Variants in CDKL4 observed in about 807,000 individuals in gnomAD.
The protein encoded by CDKL4 is cyclin-dependent kinase-like 4.
A neutral mutation model predicts 42.0 loss-of-function variants in CDKL4; 44 were observed. The ratio of observed to expected loss-of-function variants is 1.05; its 90% CI spans 0.82 to 1.35. The LOEUF is 1.35. Among genes scored for constraint, CDKL4 ranks in the 40% most tolerant of loss-of-function variants. The pLI, the probability that CDKL4 is intolerant of heterozygous loss-of-function variation, is 0.00. For synonymous variants in CDKL4, 120 were observed against 121.6 expected (o/e 0.99, Z 0.09); for missense variants, 393 against 369.9 (o/e 1.06, Z -0.51).
chr2:39,227,266 G>A (rs941043136), intron 2 of CDKL4, among the ~76,000 whole-genome samples: 1 of 152,142 alleles, frequency 6.6e-6, no homozygotes, highest in African/African-American at 2.4e-5. Context: ...CATTTACCCA[G>A]AAAGATACTG....
At chr2:39,227,484 T>C (rs998090574) in intron 2 of CDKL4, among the ~76,000 whole-genome samples, 1 of 152,100 alleles carries the variant, frequency 6.6e-6, no homozygotes, top group South Asian at 2.1e-4. Context: ...ATTAAAAATA[T>C]GCCCAGGCTG....
intron 5 of CDKL4, among the ~76,000 whole-genome samples, chr2:39,202,656 A>AGCTT (rs1182149285): frequency 2.5e-4 from 1 of 4,004 alleles, no homozygotes; most frequent in Non-Finnish European, 1.9e-3. Flanking sequence ...AGAGTTTTGT[A>AGCTT]AGCTTTATTT....
At chr2:39,209,980 G>C (rs913162389) in intron 4 of CDKL4, among the ~76,000 whole-genome samples, 17 of 152,112 alleles carry the variant, frequency 1.1e-4, no homozygotes, top group African/African-American at 3.9e-4. Flanking sequence ...GAGGAGGGAA[G>C]TTAGTCTGAA....
intron 1 of CDKL4, among the ~76,000 whole-genome samples, chr2:39,233,611 TA>T (rs1447139765): frequency 6.6e-6 from 1 of 151,914 alleles, no homozygotes; most frequent in Admixed American, 6.6e-5. Context: ...AGTCAGTTAC[TA>T]ACAGCCAAAA....
At chr2:39,199,002 G>T (rs1470371605) in intron 5 of CDKL4, among the ~76,000 whole-genome samples, 3 of 151,136 alleles carry the variant, frequency 2.0e-5, no homozygotes, top group Non-Finnish European at 2.9e-5. Context: ...AGAAGTAAAT[G>T]ATATTGAAAC....
chr2:39,180,933 C>T (rs2148281832), intron 8 of CDKL4, among the ~76,000 whole-genome samples: 1 of 152,292 alleles, frequency 6.6e-6, no homozygotes, highest in Non-Finnish European at 1.5e-5. Flanking sequence ...AAGTGATCTG[C>T]CCACCTCGGC....
At chr2:39,194,130 T>C (rs1454682963) in intron 5 of CDKL4, among the ~76,000 whole-genome samples, 1 of 152,158 alleles carries the variant, frequency 6.6e-6, no homozygotes, top group East Asian at 1.9e-4. Flanking sequence ...GTGTTCCCAC[T>C]AAAAACAATC....
intron 4 of CDKL4, among the ~76,000 whole-genome samples, chr2:39,205,759 C>CA (rs1167041058): frequency 0.46 from 36,564 of 78,746 alleles, 9,684 homozygotes; most frequent in East Asian, 0.74. Flanking sequence ...GACTCCGTCT[C>CA]AAAAAAAAAA....
At chr2:39,222,031 TG>T (rs1418570569) in intron 3 of CDKL4, among the ~76,000 whole-genome samples, 1 of 152,174 alleles carries the variant, frequency 6.6e-6, no homozygotes, top group Non-Finnish European at 1.5e-5. Context: ...TCTGCACCAG[TG>T]TAAAATGCTC....
Position 39,210,719 on chromosome 2 carries a change from C to G in CDKL4, c.363+2681G>C, listed in dbSNP as rs117082637. ...AATCATTTTAACTACCCATAAAACT[C>G]CTGCAGCAACTTTGATATCTCCTAT... On this transcript the variant is annotated intron_variant, in intron 4 of 9. Transcript: ENST00000451199. Among the ~76,000 whole-genome samples, 176 of 152,254 alleles carry G rather than the reference C, an allele frequency of 1.2e-3. 5 individuals are homozygous for G. The East Asian group carries it at 0.029, about 25-fold the overall frequency.
At chr2:39,188,166 C>T (rs191657611) in intron 6 of CDKL4, among the ~76,000 whole-genome samples, 20 of 152,276 alleles carry the variant, frequency 1.3e-4, no homozygotes, top group African/African-American at 4.1e-4. Flanking sequence ...TTGTTCCCTC[C>T]AGAGATGAGA....
chr2:39,228,583 T>C (rs1678900442), intron 2 of CDKL4, among the ~76,000 whole-genome samples: 1 of 152,140 alleles, frequency 6.6e-6, no homozygotes, highest in Non-Finnish European at 1.5e-5. Context: ...ACCAGCAGCT[T>C]CCGCACTTCC....
the CDKL4 span, among the ~76,000 whole-genome samples, chr2:39,168,128 C>T: frequency 6.6e-6 from 1 of 151,816 alleles, no homozygotes; most frequent in African/African-American, 2.4e-5. Flanking sequence ...GTATATTTAA[C>T]ATAATAAAAC....
At chr2:39,205,106 G>C (rs916565466) in intron 4 of CDKL4, among the ~76,000 whole-genome samples, 1 of 152,090 alleles carries the variant, frequency 6.6e-6, no homozygotes, top group Non-Finnish European at 1.5e-5. Flanking sequence ...TTTGAGCCTC[G>C]AAGGTTGAGG....
chr2:39,246,870 C>T (rs1326426362), upstream of CDKL4, among the ~76,000 whole-genome samples: 2 of 152,134 alleles, frequency 1.3e-5, no homozygotes, highest in Admixed American at 6.5e-5. Flanking sequence ...CAGCCTCCCT[C>T]CCCAGTAGCT....
intron 5 of CDKL4, among the ~76,000 whole-genome samples, chr2:39,194,617 C>G (rs1676400493): frequency 6.6e-6 from 1 of 152,156 alleles, no homozygotes; most frequent in Non-Finnish European, 1.5e-5. Flanking sequence ...TGTGAACTGT[C>G]AATATCTTGC....
chr2:39,170,298 A>T, the CDKL4 span, among the ~76,000 whole-genome samples: 2 of 107,490 alleles, frequency 1.9e-5, no homozygotes, highest in African/African-American at 9.9e-5. Context: ...AAAAAAAAGA[A>T]AGAAAAGAAA....
intron 1 of CDKL4, among the ~76,000 whole-genome samples, chr2:39,239,111 C>A (rs953558315): frequency 6.6e-6 from 1 of 152,134 alleles, no homozygotes; most frequent in South Asian, 2.1e-4. Flanking sequence ...GTCTTTTCAA[C>A]AAATGATACT....
At chr2:39,177,430 G>GTC (rs1675211277) in intron 9 of CDKL4, among the ~76,000 whole-genome samples, 1 of 149,178 alleles carries the variant, frequency 6.7e-6, no homozygotes, top group Non-Finnish European at 1.5e-5. Flanking sequence ...TTGAGATGGA[G>GTC]TCTTGCTCTT....
Sources: allele counts gnomAD v4.1 joint callset (sites outside exome capture counted in the v4.1 genomes callset), GRCh38; gene constraint gnomAD v4.1.1; transcripts MANE v1.5; gene names NCBI Gene and HGNC (gene_info 2026-07-23, HGNC 2026-07-21).